Variants in BMPR1B observed in about 807,000 individuals in gnomAD.
BMPR1B encodes the protein bone morphogenetic protein receptor type-1B.
BMPR1B carries 12 observed loss-of-function variants against 59.1 expected under a neutral mutation model. The observed-to-expected ratio is 0.20, with a 90% confidence interval of 0.13 to 0.33. The LOEUF (loss-of-function observed/expected upper bound fraction) is 0.33, where lower values mean the gene tolerates loss of function less well. Ranked by LOEUF, BMPR1B falls within the 10% of genes least tolerant of loss-of-function variation. BMPR1B has a pLI of 1.00. For synonymous variants in BMPR1B, 237 were observed against 207.3 expected, an observed-to-expected ratio of 1.14 and a Z score of -1.23; for missense variants, 550 against 610.9, an observed-to-expected ratio of 0.90 and a Z score of 1.05.
intron 10 of BMPR1B, among the ~76,000 whole-genome samples, chr4:95,135,775 G>T (rs183455858): frequency 1.3e-5 from 2 of 152,050 alleles, no homozygotes; most frequent in Non-Finnish European, 2.9e-5. Flanking sequence ...GAGATGATGG[G>T]GTTTTCTAGA....
intron 3 of BMPR1B, among the ~76,000 whole-genome samples, chr4:95,083,397 G>T (rs1579049601): frequency 6.6e-6 from 1 of 152,186 alleles, no homozygotes; most frequent in Admixed American, 6.5e-5. Flanking sequence ...TATGGCTACA[G>T]GCTGATATTT....
chr4:94,999,145 T>G (rs1411245103), intron 3 of BMPR1B, among the ~76,000 whole-genome samples: 1 of 152,194 alleles, frequency 6.6e-6, no homozygotes, highest in African/African-American at 2.4e-5. Flanking sequence ...ATGTTTTTGT[T>G]TCTGCCTGAG....
At chr4:94,798,721 T>C (rs1416836067) in intron 1 of BMPR1B, among the ~76,000 whole-genome samples, 1 of 152,160 alleles carries the variant, frequency 6.6e-6, no homozygotes, top group Non-Finnish European at 1.5e-5. Flanking sequence ...ATCAGGGCTC[T>C]GATAAACTGA....
At chr4:95,002,421 A>G (rs1722515894) in intron 3 of BMPR1B, among the ~76,000 whole-genome samples, 1 of 152,154 alleles carries the variant, frequency 6.6e-6, no homozygotes, top group Non-Finnish European at 1.5e-5. Context: ...TGCTATTGTG[A>G]ATAGTGCTGT....
chr4:94,896,365 A>T (rs1727586057), intron 2 of BMPR1B, among the ~76,000 whole-genome samples: 1 of 152,030 alleles, frequency 6.6e-6, no homozygotes, highest in Non-Finnish European at 1.5e-5. Flanking sequence ...GAAGATTTTT[A>T]TTAACATTTG....
chr4:94,778,595 C>A (rs545426004), intron 1 of BMPR1B, among the ~76,000 whole-genome samples: 1 of 152,104 alleles, frequency 6.6e-6, no homozygotes, highest in African/African-American at 2.4e-5. Flanking sequence ...ATGTATAAGA[C>A]GGTGCTATAT....
intron 3 of BMPR1B, among the ~76,000 whole-genome samples, chr4:95,077,164 C>T (rs1728774725): frequency 2.0e-5 from 3 of 151,942 alleles, no homozygotes; most frequent in Admixed American, 6.6e-5. Flanking sequence ...TAATGGAACA[C>T]GGAAGACATA....
At chr4:95,139,914 G>C (rs1028855524) in intron 10 of BMPR1B, among the ~76,000 whole-genome samples, 3 of 152,162 alleles carry the variant, frequency 2.0e-5, no homozygotes, top group African/African-American at 7.2e-5. Flanking sequence ...CCCTGCTTCG[G>C]CTCACACTGT....
intron 1 of BMPR1B, among the ~76,000 whole-genome samples, chr4:94,816,906 A>T (rs950013496): frequency 6.6e-6 from 1 of 152,112 alleles, no homozygotes; most frequent in African/African-American, 2.4e-5. Context: ...TGGCCCCCAA[A>T]ATTCATGTGT....
chr4:94,823,841 TG>T (rs1204233088), intron 1 of BMPR1B, among the ~76,000 whole-genome samples: 1 of 152,012 alleles, frequency 6.6e-6, no homozygotes, highest in Non-Finnish European at 1.5e-5. Flanking sequence ...TCCGTCTCCT[TG>T]GTTCACACCA....
At chr4:95,125,391 C>T (rs1439426604) in intron 8 of BMPR1B, among the ~76,000 whole-genome samples, 1 of 152,114 alleles carries the variant, frequency 6.6e-6, no homozygotes, top group Non-Finnish European at 1.5e-5. Flanking sequence ...AACACGGGAC[C>T]ATCTTCCCTG....
chr4:95,014,739 G>A (rs1723463894), intron 3 of BMPR1B, among the ~76,000 whole-genome samples: 1 of 152,142 alleles, frequency 6.6e-6, no homozygotes, highest in South Asian at 2.1e-4. Flanking sequence ...TAAGTGATTA[G>A]ATTTGTAGAT....
chr4:95,077,642 G>T (rs1728814176), intron 3 of BMPR1B, among the ~76,000 whole-genome samples: 1 of 152,092 alleles, frequency 6.6e-6, no homozygotes, highest in Non-Finnish European at 1.5e-5. Context: ...CCTATTAAAA[G>T]ATGGTAAATT....
chr4:94,759,820 A>G (rs1222770137), intron 1 of BMPR1B, among the ~76,000 whole-genome samples: 1 of 152,254 alleles, frequency 6.6e-6, no homozygotes, highest in East Asian at 1.9e-4. Flanking sequence ...ATCATTGTGC[A>G]ATGCAAAAAA....
intron 1 of BMPR1B, among the ~76,000 whole-genome samples, chr4:94,870,771 T>C (rs1254099398): frequency 6.6e-6 from 1 of 152,206 alleles, no homozygotes; most frequent in Non-Finnish European, 1.5e-5. Context: ...CATCTTGCGT[T>C]GGATTCTGAC....
At chr4:94,763,603 C>T (rs536850417) in intron 1 of BMPR1B, among the ~76,000 whole-genome samples, 5 of 152,280 alleles carry the variant, frequency 3.3e-5, no homozygotes, top group Admixed American at 6.5e-5. Context: ...CTGTTTATAA[C>T]GTTTCTTGCC....
At chr4:94,985,410 G>A (rs1721333997) in intron 2 of BMPR1B, among the ~76,000 whole-genome samples, 1 of 152,050 alleles carries the variant, frequency 6.6e-6, no homozygotes, top group Non-Finnish European at 1.5e-5. Flanking sequence ...TAACTAATTG[G>A]AAATAGGGGA....
At chr4:94,788,380 G>T (rs969353667) in intron 1 of BMPR1B, among the ~76,000 whole-genome samples, 1 of 152,130 alleles carries the variant, frequency 6.6e-6, no homozygotes, top group African/African-American at 2.4e-5. Context: ...GATTCCCTGG[G>T]CTGTCTTCTG....
chr4:94,960,311 C>A (rs1439207183), intron 2 of BMPR1B, among the ~76,000 whole-genome samples: 1 of 152,118 alleles, frequency 6.6e-6, no homozygotes, highest in Non-Finnish European at 1.5e-5. Context: ...CATAAATCTC[C>A]TGTATACTAG....
Sources: allele counts gnomAD v4.1 joint callset (sites outside exome capture counted in the v4.1 genomes callset), GRCh38; gene constraint gnomAD v4.1.1; transcripts MANE v1.5; gene names NCBI Gene and HGNC (gene_info 2026-07-23, HGNC 2026-07-21).